The following TCF12 variants were observed in gnomAD, a reference collection of about 807,000 sequenced individuals.
TCF12 encodes transcription factor 12.
Under a neutral mutation model 86.0 loss-of-function variants are expected in TCF12, and 45 were observed. The observed-to-expected ratio is 0.52, with a 90% CI of 0.41 to 0.67. TCF12 has a LOEUF of 0.67. Among genes scored for constraint, TCF12 ranks in the 30% least tolerant of loss-of-function variants. TCF12 has a pLI of 0.00. For synonymous variants in TCF12, 330 were observed against 299.6 expected (o/e 1.10, Z -1.05); for missense variants, 881 against 859.9 (o/e 1.02, Z -0.31).
At chr15:57,110,010 T>TCA (rs1161052130) in intron 5 of TCF12, among the ~76,000 whole-genome samples, 11 of 152,268 alleles carry the variant, frequency 7.2e-5, no homozygotes, top group Non-Finnish European at 1.6e-4. Context: ...AGTGTGTAGA[T>TCA]CATTTAATGT....
At chr15:57,164,707 GTC>G (rs1339329773) in intron 5 of TCF12, among the ~76,000 whole-genome samples, 1 of 152,052 alleles carries the variant, frequency 6.6e-6, no homozygotes, top group Non-Finnish European at 1.5e-5. Context: ...TTTGAGACGA[GTC>G]TCACCCTGTC....
intron 5 of TCF12, among the ~76,000 whole-genome samples, chr15:57,142,418 A>C (rs1288434782): frequency 5.6e-5 from 4 of 71,444 alleles, no homozygotes; most frequent in Admixed American, 1.7e-4. Flanking sequence ...AGAGCCTGAG[A>C]ATAGAGCCTG....
intron 20 of TCF12, among the ~76,000 whole-genome samples, chr15:57,284,384 A>G (rs934081799): frequency 2.6e-5 from 4 of 151,856 alleles, no homozygotes; most frequent in Non-Finnish European, 5.9e-5. Context: ...ATTTTTTTGT[A>G]TTTTTAGTAG....
chr15:57,132,971 A>T (rs1439010058), intron 5 of TCF12, among the ~76,000 whole-genome samples: 1 of 152,232 alleles, frequency 6.6e-6, no homozygotes, highest in Non-Finnish European at 1.5e-5. Flanking sequence ...AAACAAAGCC[A>T]GTGACTCTAC....
intron 6 of TCF12, among the ~76,000 whole-genome samples, chr15:57,190,630 A>G (rs1425817089): frequency 6.6e-6 from 1 of 152,080 alleles, no homozygotes; most frequent in Non-Finnish European, 1.5e-5. Flanking sequence ...TCTACCAGAA[A>G]TCTTGGTGCA....
At position 56,918,750 on chromosome 15, in the gene TCF12, G is replaced by A. The variant is rs1260891313; in HGVS notation, c.-179G>A. 1.2e-5 allele frequency: 2 copies of A among 166,472 alleles called. No individual in the cohort carries two copies. The highest frequency in any genetic ancestry group is 4.8e-5 in the African/African-American group (2 of 41,520). 10.3% of individuals were successfully genotyped at this position (166,472 alleles called of 1,614,324 possible). A position where few individuals can be genotyped will look rare whatever the true frequency, so the allele number is the denominator to read the frequency against. On this transcript the variant is annotated 5_prime_UTR_variant, in exon 1 of 21. Transcript: ENST00000333725. ...ACAGCCCGCCCCGGGAGGAAGGGGC[G>A]GCCAGGCCCGAAAGCCGCCTCCCCC...
chr15:57,169,617 T>C (rs78633077), intron 6 of TCF12, among the ~76,000 whole-genome samples: 6,139 of 152,284 alleles, frequency 0.04, 374 homozygotes, highest in Admixed American at 0.17. Flanking sequence ...ATTTTGGATC[T>C]TTAATATTAT....
chr15:56,960,407 T>C (rs747552857), intron 3 of TCF12, among the ~76,000 whole-genome samples: 10 of 151,180 alleles, frequency 6.6e-5, no homozygotes, highest in Non-Finnish European at 1.2e-4. Flanking sequence ...AGTGCTTTTG[T>C]TGACCCAAGG....
chr15:57,274,373 G>T (rs191615055), intron 19 of TCF12, among the ~76,000 whole-genome samples: 186 of 152,292 alleles, frequency 1.2e-3, no homozygotes, highest in African/African-American at 4.4e-3. Context: ...AGATCATTTT[G>T]TGTATAATCA....
chr15:57,252,589 T>A, intron 15 of TCF12, 97 bp downstream of exon 15: 1 of 997,956 alleles, frequency 1.0e-6, no homozygotes, highest in Non-Finnish European at 1.5e-6. Context: ...CTCCCATCTT[T>A]AAAAATCAAA....
chr15:57,158,721 A>G (rs1263273720), intron 5 of TCF12, among the ~76,000 whole-genome samples: 1 of 152,228 alleles, frequency 6.6e-6, no homozygotes, highest in East Asian at 1.9e-4. Context: ...TGACCTCTAT[A>G]GGGATCCTGT....
intron 3 of TCF12, among the ~76,000 whole-genome samples, chr15:56,947,723 G>A (rs1006884122): frequency 1.3e-5 from 2 of 152,166 alleles, no homozygotes; most frequent in Admixed American, 6.5e-5. Context: ...TTCCTTTTAG[G>A]AAGGTAAATA....
At chr15:57,103,869 G>T (rs12909402) in intron 5 of TCF12, among the ~76,000 whole-genome samples, 4 of 151,876 alleles carry the variant, frequency 2.6e-5, no homozygotes, top group Admixed American at 6.6e-5. Context: ...TTAGCTGGGC[G>T]TGGTGGTAGA....
intron 5 of TCF12, among the ~76,000 whole-genome samples, chr15:57,149,229 G>A (rs1421936774): frequency 6.6e-6 from 1 of 152,130 alleles, no homozygotes; most frequent in African/African-American, 2.4e-5. Context: ...TTCATGCCCT[G>A]TGGTTATCTG....
intron 5 of TCF12, among the ~76,000 whole-genome samples, chr15:57,137,746 A>G (rs2052656827): frequency 6.6e-6 from 1 of 152,020 alleles, no homozygotes; most frequent in South Asian, 2.1e-4. Context: ...AAAGAATATT[A>G]GGTCGGGCAC....
chr15:57,103,213 C>G (rs2615218), intron 5 of TCF12, among the ~76,000 whole-genome samples: 1 of 152,146 alleles, frequency 6.6e-6, no homozygotes, highest in Non-Finnish European at 1.5e-5. Context: ...ACAGCATTTT[C>G]TAGGCTGTGT....
At chr15:57,260,380 A>G (rs946651194) in intron 16 of TCF12, among the ~76,000 whole-genome samples, 16 of 152,324 alleles carry the variant, frequency 1.1e-4, no homozygotes, top group African/African-American at 3.6e-4. Flanking sequence ...TGAAAATTCA[A>G]TTTGTTACTG....
chr15:57,285,125 A>G (rs1406628223), intron 20 of TCF12, among the ~76,000 whole-genome samples: 1 of 152,244 alleles, frequency 6.6e-6, no homozygotes, highest in Non-Finnish European at 1.5e-5. Context: ...AAGTAGCAAG[A>G]GACAGGGCAG....
At chr15:57,250,695 C>G (rs28653088) in intron 13 of TCF12, among the ~76,000 whole-genome samples, 42,141 of 151,040 alleles carry the variant, frequency 0.28, 7,450 homozygotes, top group African/African-American at 0.49. Context: ...TACCAGTGCA[C>G]TCCAGCCCAG....
Sources: allele counts gnomAD v4.1 joint callset (sites outside exome capture counted in the v4.1 genomes callset), GRCh38; gene constraint gnomAD v4.1.1; transcripts MANE v1.5; gene names NCBI Gene and HGNC (gene_info 2026-07-23, HGNC 2026-07-21).